Variants in ZNF638 observed in about 807,000 individuals in gnomAD.
ZNF638 encodes zinc finger protein 638, also known as CTCL tumor antigen se33-1.
A neutral mutation model predicts 195.6 loss-of-function variants in ZNF638; 46 were observed. The observed-to-expected ratio is 0.24, with a 90% CI of 0.19 to 0.30. The LOEUF is 0.30. ZNF638 is among the 10% of genes least tolerant of loss of function. ZNF638 has a pLI of 1.00. For synonymous variants in ZNF638, 845 were observed against 772.0 expected (o/e 1.09, Z -1.57); for missense variants, 2,440 against 2,325.3 (o/e 1.05, Z -1.01).
intron 8 of ZNF638, 51 bp from the exon 9 acceptor site, chr2:71,380,171 T>A: frequency 8.9e-7 from 1 of 1,126,750 alleles, no homozygotes; most frequent in South Asian, 1.7e-5. Flanking sequence ...CTATATTTTC[T>A]AAATTGCTTT....
chr2:71,337,501 C>T lies in ZNF638; in HGVS notation c.-203+5626C>T, dbSNP rs183648499. On this transcript the variant is annotated intron_variant, in intron 1 of 27. Transcript: ENST00000264447. Reference sequence around the variant, plus strand: ...GATCTCGGCTCACTGCAATCTCTGCCTCCTGGGCTCAAGCGATCCTCCCAA... The same window carrying T: ...GATCTCGGCTCACTGCAATCTCTGCTTCCTGGGCTCAAGCGATCCTCCCAA... Among the ~76,000 whole-genome samples, 366 of 152,070 alleles carry T rather than the reference C, an allele frequency of 2.4e-3. 1 individual carries two copies. Among genetic ancestry groups the T allele is most frequent in the African/African-American group, 8.5e-3 (354 of 41,468 alleles).
chr2:71,429,778 T>C lies in ZNF638; in HGVS notation c.5650+1127T>C, dbSNP rs959368599. 5.3e-5 allele frequency among the ~76,000 whole-genome samples: 8 copies of C among 152,226 alleles called. No homozygotes were observed. The East Asian group carries it at 1.3e-3, about 26-fold the overall frequency. The stretch of plus-strand genomic sequence containing the variant: ...GTCAAACGTGATTTTTTAAAGTGTT[T>C]TCTTCTTAAGTTAGTCTTACTTGAC... On this transcript the variant is annotated intron_variant, in intron 25 of 27. Transcript: ENST00000264447.
chr2:71,409,317 T>C (rs2080166006), intron 20 of ZNF638, among the ~76,000 whole-genome samples: 2 of 152,204 alleles, frequency 1.3e-5, no homozygotes, highest in Admixed American at 1.3e-4. Flanking sequence ...TATTATCTTC[T>C]CTTCAACACT....
Position 71,423,656 on chromosome 2 carries a change from T to A in ZNF638, c.4142T>A (p.Ile1381Asn). ...NKPDETSKTS[I>N]LAVSDVSSSK... is the part of the protein sequence containing the mutation. ...CCTGATGAAACTAGTAAAACTAGTA[T>A]TCTGGCTGTATCAGATGTATCTAGC... The change falls in exon 22 of 28, where the codon ATT (isoleucine) becomes AAT (asparagine). Residue 1381 changes from isoleucine (I) to asparagine (N), a missense_variant. Around this residue, in one of 5 missense-constraint regions of ZNF638, gnomAD observed 1,883 missense variants for 1,739.1 expected, o/e 1.08. Coordinates refer to ENST00000264447, the MANE Select transcript of ZNF638 (RefSeq NM_014497.5). The A allele has an allele frequency of 6.2e-7, 1 of 1,613,832 alleles. No homozygotes were observed.
intron 1 of ZNF638, among the ~76,000 whole-genome samples, chr2:71,342,163 G>C (rs1422330360): frequency 1.4e-5 from 2 of 143,498 alleles, no homozygotes; most frequent in African/African-American, 5.2e-5. Context: ...GGAGGTTTCA[G>C]TGAGCTGAGG....
chr2:71,365,221 CAATCTCAA>C (rs1460646645), intron 5 of ZNF638, among the ~76,000 whole-genome samples, 200 bp from the exon 6 acceptor site: 2 of 152,064 alleles, frequency 1.3e-5, no homozygotes, highest in Non-Finnish European at 1.5e-5. Context: ...AAGTGTAAAG[CAATCTCAA>C]AACCAAAAGT....
chr2:71,423,447 G>A lies in ZNF638; in HGVS notation c.3933G>A (p.Glu1311=), dbSNP rs1317347740. 2 of 1,613,238 alleles carry A rather than the reference G, an allele frequency of 1.2e-6. No homozygotes were observed. The highest frequency in any genetic ancestry group is 8.5e-7 in the Non-Finnish European group (1 of 1,179,836). The change falls in exon 22 of 28, where the codon GAG becomes GAA. Residue 1311 remains glutamate, a synonymous_variant. Coordinates refer to ENST00000264447, the MANE Select transcript of ZNF638 (RefSeq NM_014497.5). ...SEKKGNMDEK[E]EKEFNTKETR... is the part of the protein sequence containing the mutation. Reference sequence around the variant, plus strand: ...AAAAAGGTAACATGGATGAAAAGGAGGAGAAGGAATTTAATACTAAGGAAA... The same window carrying A: ...AAAAAGGTAACATGGATGAAAAGGAAGAGAAGGAATTTAATACTAAGGAAA...
Position 71,365,549 on chromosome 2 carries a change from G to A in ZNF638, c.1838G>A (p.Ser613Asn). 6.2e-7 allele frequency: 1 copy of A among 1,614,092 alleles called. No homozygotes were observed. Among genetic ancestry groups the A allele is most frequent in the South Asian group, 1.1e-5 (1 of 91,078 alleles). Reference sequence around the variant, plus strand: ...TCACCAGCACAAAAGCCTAAAACTAGCAGTGGAACAAAACCATCAGTTAAA... The same window carrying A: ...TCACCAGCACAAAAGCCTAAAACTAACAGTGGAACAAAACCATCAGTTAAA... Reference protein sequence around the residue: ...GHSPAQKPKTSSGTKPSVKPT... With the variant: ...GHSPAQKPKTNSGTKPSVKPT... Residue 613 changes from serine (S) to asparagine (N), a missense_variant, in exon 6 of 28, where the codon AGC becomes AAC. Ser to Asn is a conservative substitution (Grantham distance 46). Coordinates refer to ENST00000264447, the MANE Select transcript of ZNF638 (RefSeq NM_014497.5).
At chr2:71,386,749 G>C (rs1266052968) in intron 10 of ZNF638, among the ~76,000 whole-genome samples, 2 of 152,124 alleles carry the variant, frequency 1.3e-5, no homozygotes, top group Non-Finnish European at 2.9e-5. Flanking sequence ...AAAAATGGTA[G>C]AAGTTATAAA....
chr2:71,380,863 T>A (rs1252327385), intron 10 of ZNF638: 3 of 215,324 alleles, frequency 1.4e-5, no homozygotes, highest in African/African-American at 4.6e-5. Context: ...TCTCCCTCCA[T>A]CCCTTCCCGA....
chr2:71,359,294 C>T (rs1419427048), intron 3 of ZNF638, among the ~76,000 whole-genome samples: 1 of 152,188 alleles, frequency 6.6e-6, no homozygotes, highest in Admixed American at 6.5e-5. Context: ...TAGCATAATT[C>T]TCAGTCTGAG....
In ZNF638 at chr2:71,391,522, A is replaced by G. The variant is rs2079777193; in HGVS notation, c.2378-4619A>G. Among the ~76,000 whole-genome samples, 2 of 152,206 alleles carry G rather than the reference A, an allele frequency of 1.3e-5. 1 individual carries two copies. Among genetic ancestry groups the G allele is most frequent in the South Asian group, 4.1e-4 (2 of 4,830 alleles). Reference sequence around the variant, plus strand: ...AGATGATATTTTACTAGCAGACCCAACAGAGCCAATACTTTTGAGTTTATA... The same window carrying G: ...AGATGATATTTTACTAGCAGACCCAGCAGAGCCAATACTTTTGAGTTTATA... On this transcript the variant is annotated intron_variant, in intron 10 of 27. Coordinates refer to ENST00000264447, the MANE Select transcript of ZNF638 (RefSeq NM_014497.5).
At chr2:71,400,993 A>C (rs1019780069) in intron 15 of ZNF638, among the ~76,000 whole-genome samples, 1 of 152,184 alleles carries the variant, frequency 6.6e-6, no homozygotes, top group African/African-American at 2.4e-5. Context: ...ATCTATTATT[A>C]TTAATACATT....
chr2:71,403,835 G>C (rs2080052848), intron 16 of ZNF638, 35 bp from the exon 17 acceptor site: 1 of 1,446,734 alleles, frequency 6.9e-7, no homozygotes, highest in Non-Finnish European at 9.4e-7. Context: ...AGTAACATAA[G>C]ATTTTTCTTG....
rs1166713139 is a variant in ZNF638 at position 71,434,872 on chromosome 2, TATC to T, written c.*68_*70del. On this transcript the variant is annotated 3_prime_UTR_variant, in exon 28 of 28. Transcript: ENST00000264447. ...GTCCAGTTGATTTGTGTATTTTTGT[TATC>T]ATTTAATTTGTAATTTTCGTTTCAG... 4.3e-6 allele frequency: 6 copies of T among 1,401,358 alleles called. No homozygotes were observed. Among genetic ancestry groups the T allele is most frequent in the Non-Finnish European group, 5.8e-6 (6 of 1,026,564 alleles). 86.8% of individuals were successfully genotyped at this position (1,401,358 alleles called of 1,614,324 possible).
chr2:71,348,523 A>G (rs1471752439), intron 1 of ZNF638: 3 of 1,163,816 alleles, frequency 2.6e-6, no homozygotes, highest in South Asian at 1.8e-5. Flanking sequence ...AGTGCAACAC[A>G]ATGTACATGA....
At chr2:71,371,002 T>C (rs1013877667) in intron 8 of ZNF638, among the ~76,000 whole-genome samples, 4 of 152,090 alleles carry the variant, frequency 2.6e-5, no homozygotes, top group African/African-American at 9.7e-5. Flanking sequence ...CTCATAACCA[T>C]CCTTCGACTT....
At chr2:71,421,385 A>C (rs974449154) in intron 21 of ZNF638, among the ~76,000 whole-genome samples, 2 of 152,116 alleles carry the variant, frequency 1.3e-5, no homozygotes, top group Non-Finnish European at 2.9e-5. Flanking sequence ...ACATTTTAGC[A>C]TGCAAAGAAT....
At chr2:71,373,546 G>A (rs994343674) in intron 8 of ZNF638, among the ~76,000 whole-genome samples, 9 of 140,378 alleles carry the variant, frequency 6.4e-5, no homozygotes, top group Admixed American at 4.8e-4. Context: ...CCGGGTTCAC[G>A]TCATTCTCCT....
Sources: allele counts gnomAD v4.1 joint callset (sites outside exome capture counted in the v4.1 genomes callset), GRCh38; gene constraint gnomAD v4.1.1; regional missense constraint gnomAD v4.1.1; transcripts MANE v1.5; gene names NCBI Gene and HGNC (gene_info 2026-07-23, HGNC 2026-07-21).